Variants in DCC observed in about 807,000 individuals in gnomAD.
The protein encoded by DCC is DCC netrin 1 receptor, also known as netrin receptor DCC.
Under a neutral mutation model 172.5 loss-of-function variants are expected in DCC, and 58 were observed. The ratio of observed to expected loss-of-function variants is 0.34; its 90% CI spans 0.27 to 0.42. DCC has a LOEUF of 0.42. Among genes scored for constraint, DCC ranks in the 10% least tolerant of loss-of-function variants. DCC has a pLI of 1.00. For synonymous variants in DCC, 709 were observed against 644.5 expected (o/e 1.10, Z -1.52); for missense variants, 1,740 against 1,791.0 (o/e 0.97, Z 0.51).
At chr18:52,663,139 T>G (rs1377632930) in intron 1 of DCC, among the ~76,000 whole-genome samples, 3 of 152,222 alleles carry the variant, frequency 2.0e-5, no homozygotes, top group Non-Finnish European at 4.4e-5. Context: ...AGAAACAATT[T>G]TCAAAGTTAG....
chr18:52,522,529 G>A lies in DCC; in HGVS notation c.91+181651G>A, dbSNP rs571186321. ...ATATAGGATACCCAGTTAAATTTTA[G>A]AAAACAAGTACTGCATATTGCGTTA... On this transcript the variant is annotated intron_variant, in intron 1 of 28. Transcript: ENST00000442544. Among the ~76,000 whole-genome samples the A allele has an allele frequency of 8.4e-3, 1,281 of 152,160 alleles. 24 individuals carry two copies. Among genetic ancestry groups the A allele is most frequent in the African/African-American group, 0.03 (1,231 of 41,512 alleles).
intron 2 of DCC, among the ~76,000 whole-genome samples, chr18:52,897,471 A>G (rs1241807352): frequency 6.6e-6 from 1 of 152,188 alleles, no homozygotes; most frequent in African/African-American, 2.4e-5. Context: ...GTCACATAGA[A>G]CCTCAACCAA....
At chr18:52,341,239 G>C (rs964205011) in intron 1 of DCC, among the ~76,000 whole-genome samples, 4 of 152,186 alleles carry the variant, frequency 2.6e-5, no homozygotes, top group African/African-American at 9.7e-5. Flanking sequence ...CCTACCAAGT[G>C]GGGAGGATTG....
At chr18:52,744,567 C>G (rs949615965) in intron 1 of DCC, among the ~76,000 whole-genome samples, 2 of 152,098 alleles carry the variant, frequency 1.3e-5, no homozygotes, top group Non-Finnish European at 2.9e-5. Context: ...AAAAATATGA[C>G]CATGTATTCT....
chr18:53,494,981 T>C (rs2046002300), intron 26 of DCC, among the ~76,000 whole-genome samples: 2 of 152,342 alleles, frequency 1.3e-5, no homozygotes, highest in South Asian at 4.1e-4. Context: ...TCAGGAGCTC[T>C]TGTAAGGCAG....
chr18:53,078,988 G>C (rs748876511), intron 7 of DCC, among the ~76,000 whole-genome samples: 4 of 152,132 alleles, frequency 2.6e-5, no homozygotes, highest in African/African-American at 9.7e-5. Flanking sequence ...CAGAACTGAT[G>C]TGTTCAGTTC....
At position 52,802,140 on chromosome 18, in the gene DCC, A is replaced by T. The variant is rs116531869; in HGVS notation, c.412+49766A>T. The stretch of plus-strand genomic sequence containing the variant: ...CAATAAGATACAGAATGAAAATTAT[A>T]CCTGTGTCAAATTGCTTCTGAATCA... On this transcript the variant is annotated intron_variant, in intron 2 of 28. Coordinates refer to ENST00000442544, the MANE Select transcript of DCC (RefSeq NM_005215.4). Among the ~76,000 whole-genome samples, 1,056 of 152,174 alleles carry T rather than the reference A, an allele frequency of 6.9e-3. 7 individuals carry two copies. Among genetic ancestry groups the T allele is most frequent in the African/African-American group, 0.024 (990 of 41,502 alleles).
rs540733428 is a variant in DCC at position 53,245,028 on chromosome 18, A to G, written c.1911+29431A>G. Among the ~76,000 whole-genome samples, 8 of 152,138 alleles carry G rather than the reference A, an allele frequency of 5.3e-5. No individual in the cohort carries two copies. The South Asian group carries it at 1.7e-3, about 32-fold the overall frequency. ...TTACTTGTGATCTTTAAATTTTCTCACTTCTGTCTGAACCTCAGTTTCATG... is the reference window on the plus strand; with the variant it reads ...TTACTTGTGATCTTTAAATTTTCTCGCTTCTGTCTGAACCTCAGTTTCATG... On this transcript the variant is annotated intron_variant, in intron 12 of 28. Transcript: ENST00000442544.
rs376586020 is a variant in DCC, at chr18:52,706,070, A to G, written c.92-45984A>G. 3.1e-4 allele frequency among the ~76,000 whole-genome samples: 47 copies of G among 152,284 alleles called. No homozygotes were observed. In the East Asian group the frequency reaches 8.1e-3, roughly 26 times the overall value. On this transcript the variant is annotated intron_variant, in intron 1 of 28. Transcript: ENST00000442544. ...GTAGAAACATGTTGATTAGGCCACA[A>G]TGGAAATCACGTCTGATCCCAGCAG...
At position 52,753,151 on chromosome 18, in the gene DCC, T is replaced by C. The variant is rs550316544; in HGVS notation, c.412+777T>C. 6.6e-5 allele frequency among the ~76,000 whole-genome samples: 10 copies of C among 152,310 alleles called. No individual in the cohort carries two copies. In the South Asian group the frequency reaches 1.9e-3, roughly 28 times the overall value. On this transcript the variant is annotated intron_variant, in intron 2 of 28. Coordinates refer to ENST00000442544, the MANE Select transcript of DCC (RefSeq NM_005215.4). ...TTGGATATATACCCATAAGTAGGAT[T>C]GTTGTATCATATGGTAATTCTAATT... is the stretch of plus-strand genomic sequence containing the variant.
intron 24 of DCC, among the ~76,000 whole-genome samples, chr18:53,467,588 T>G (rs929258175): frequency 5.3e-5 from 8 of 152,218 alleles, no homozygotes; most frequent in Admixed American, 2.6e-4. Flanking sequence ...ACAAAAAGTA[T>G]GCATGATATA....
chr18:53,059,661 C>A (rs1241546430), intron 5 of DCC, among the ~76,000 whole-genome samples: 1 of 151,970 alleles, frequency 6.6e-6, no homozygotes, highest in Non-Finnish European at 1.5e-5. Context: ...AGTCATGGTA[C>A]CTCATTCTTC....
At chr18:52,679,189 A>G (rs1482382305) in intron 1 of DCC, among the ~76,000 whole-genome samples, 1 of 152,082 alleles carries the variant, frequency 6.6e-6, no homozygotes, top group African/African-American at 2.4e-5. Flanking sequence ...ACATTTAGTA[A>G]GTGGTGATAT....
At chr18:52,765,733 A>G (rs2037239135) in intron 2 of DCC, among the ~76,000 whole-genome samples, 1 of 152,198 alleles carries the variant, frequency 6.6e-6, no homozygotes, top group South Asian at 2.1e-4. Context: ...GAGACTCCAC[A>G]GAACCTTGCT....
chr18:53,096,146 A>G (rs2043085022), intron 7 of DCC, among the ~76,000 whole-genome samples: 2 of 152,034 alleles, frequency 1.3e-5, no homozygotes, highest in Non-Finnish European at 2.9e-5. Flanking sequence ...CCTAAAACTT[A>G]AAGTATAGTA....
rs540269125 is a variant in DCC, at chr18:52,704,608, C to T, written c.92-47446C>T. On this transcript the variant is annotated intron_variant, in intron 1 of 28. Transcript: ENST00000442544. ...CACTGTATTTCTGAAGCCCAAATTG[C>T]AAATGAAATAAATGATGTGCCCTCT... Among the ~76,000 whole-genome samples the T allele has an allele frequency of 4.6e-5, 7 of 152,268 alleles. No individual in the cohort carries two copies. The East Asian group carries it at 1.2e-3, about 25-fold the overall frequency.
At position 52,752,233 on chromosome 18, in the gene DCC, C is replaced by A; in HGVS notation, c.271C>A (p.Gln91Lys). Residue 91 changes from glutamine to lysine, a missense_variant, in exon 2 of 29, where the codon CAA becomes AAA. By Grantham distance (53) the Gln-to-Lys change is moderately conservative. Transcript: ENST00000442544. The part of the protein sequence containing the change: ...LALGMDERKQ[Q>K]LSNGSLLIQN... ...CTTGGGAATGGATGAAAGGAAGCAGCAACTTTCAAATGGGTCTCTGCTGAT... is the reference window on the plus strand; with the variant it reads ...CTTGGGAATGGATGAAAGGAAGCAGAAACTTTCAAATGGGTCTCTGCTGAT... The A allele has an allele frequency of 6.2e-7, 1 of 1,614,128 alleles. No individual in the cohort carries two copies. Among genetic ancestry groups the A allele is most frequent in the Non-Finnish European group, 8.5e-7 (1 of 1,180,020 alleles).
At chr18:53,147,288 A>G (rs1260861447) in intron 7 of DCC, among the ~76,000 whole-genome samples, 9 of 152,218 alleles carry the variant, frequency 5.9e-5, no homozygotes, top group South Asian at 4.1e-4. Context: ...AAAGAGGACT[A>G]GAAGTAGTCG....
At position 52,925,286 on chromosome 18, in the gene DCC, A is replaced by T; in HGVS notation, c.901A>T (p.Thr301Ser). The change falls in exon 5 of 29, where the codon ACA becomes TCA. Residue 301 changes from threonine (T) to serine (S), a missense_variant. Physicochemically the swap from Thr to Ser is moderately conservative, Grantham distance 58. Transcript: ENST00000442544. ...GGSNLLISNV[T>S]DDDSGMYTCV... is the part of the protein sequence containing the mutation. ...AAGCAACTTGCTTATCTCCAATGTG[A>T]CAGATGATGACAGTGGAATGTATAC... 1 of 1,612,608 alleles carries T rather than the reference A, an allele frequency of 6.2e-7. No homozygotes were observed. The highest frequency in any genetic ancestry group is 8.5e-7 in the Non-Finnish European group (1 of 1,178,828).
Sources: gnomAD v4.1 joint callset for allele counts (sites outside exome capture counted in the v4.1 genomes callset) on GRCh38, gnomAD v4.1.1 for gene constraint, MANE v1.5 for transcripts, NCBI Gene and HGNC (gene_info 2026-07-23, HGNC 2026-07-21) for gene names.